GABPA: variants seen among roughly 807,000 people sequenced by gnomAD.
GABPA encodes GA-binding protein alpha chain.
A neutral mutation model predicts 59.4 loss-of-function variants in GABPA; 4 were observed. The ratio of observed to expected loss-of-function variants is 0.07; its 90% CI spans 0.03 to 0.15. The LOEUF is 0.15. Ranked by LOEUF, GABPA falls within the 10% of genes least tolerant of loss-of-function variation. The probability of loss-of-function intolerance (pLI) is 1.00; values close to 1 mark genes in which losing one functional copy is unlikely to be tolerated. For synonymous variants in GABPA, 164 were observed against 183.1 expected (o/e 0.90, Z 0.84); for missense variants, 251 against 543.8 (o/e 0.46, Z 5.36).
In GABPA at chr21:25,752,118, T is replaced by C. The variant is rs770522261; in HGVS notation, c.437T>C (p.Leu146Pro). Reference protein sequence around the residue: ...HLVEEAQVITLDGTKHITTIS... With the variant: ...HLVEEAQVITPDGTKHITTIS... ...GTTGAAGAAGCTCAAGTGATAACTC[T>C]TGATGGCACAAAACACATCACAACC... Residue 146 changes from leucine to proline, a missense_variant, in exon 5 of 10, where the codon CTT becomes CCT. By Grantham distance (98) the Leu-to-Pro change is moderately conservative (BLOSUM62 -3). Transcript: ENST00000400075. The C allele has an allele frequency of 1.9e-6, 3 of 1,611,084 alleles. No homozygotes were observed. Among genetic ancestry groups the C allele is most frequent in the African/African-American group, 1.3e-5 (1 of 74,938 alleles).
chr21:25,746,914 A>G (rs1221509966), intron 3 of GABPA, among the ~76,000 whole-genome samples: 1 of 152,230 alleles, frequency 6.6e-6, no homozygotes, highest in Non-Finnish European at 1.5e-5. Flanking sequence ...ATGAGATTTG[A>G]TAGAATAGAA....
In GABPA at chr21:25,769,609, A is replaced by G. The variant is rs2035970741; in HGVS notation, c.*377A>G. 1 of 162,738 alleles carries G rather than the reference A, an allele frequency of 6.1e-6. No homozygotes were observed. The allele number at this position is 162,738 out of a possible 1,614,324, so 10.1% of individuals were successfully genotyped here. On this transcript the variant is annotated 3_prime_UTR_variant, in exon 10 of 10. Coordinates refer to ENST00000400075, the MANE Select transcript of GABPA (RefSeq NM_002040.4). Reference sequence around the variant, plus strand: ...AAACAGTCTGGCTTAACTATTTTTGAAAATATAACTGTTTCCCCTCTCTGC... The same window carrying G: ...AAACAGTCTGGCTTAACTATTTTTGGAAATATAACTGTTTCCCCTCTCTGC...
chr21:25,749,080 T>C lies in GABPA; in HGVS notation c.267T>C (p.Asp89=). The C allele has an allele frequency of 6.2e-7, 1 of 1,608,474 alleles. No homozygotes were observed. The highest frequency in any genetic ancestry group is 8.5e-7 in the Non-Finnish European group (1 of 1,175,202). The change falls in exon 4 of 10, where the codon GAT becomes GAC. Residue 89 remains aspartate, a synonymous_variant. Transcript: ENST00000400075. ...TATTTGACCAAGGAGTAAAAACAGATGGAACTGTACAGCTTAGTGTACAGG... is the reference window on the plus strand; with the variant it reads ...TATTTGACCAAGGAGTAAAAACAGACGGAACTGTACAGCTTAGTGTACAGG... ...RSLFDQGVKT[D]GTVQLSVQVI... is the part of the protein sequence containing the mutation.
At chr21:25,754,219 T>C (rs907244155) in intron 5 of GABPA, among the ~76,000 whole-genome samples, 3 of 152,222 alleles carry the variant, frequency 2.0e-5, no homozygotes, top group African/African-American at 7.2e-5. Flanking sequence ...AAATTCATTA[T>C]TAAGATGTAT....
Position 25,735,150 on chromosome 21 carries a change from G to T in GABPA, c.-455G>T, listed in dbSNP as rs948771837. ...TTGACCCGTTCTTTTTCCCCTCCTTGAAACCTTGCTCTGTACGCATGCGCT... is the reference window on the plus strand; with the variant it reads ...TTGACCCGTTCTTTTTCCCCTCCTTTAAACCTTGCTCTGTACGCATGCGCT... On this transcript the variant is annotated 5_prime_UTR_variant, in exon 1 of 10. Coordinates refer to ENST00000400075, the MANE Select transcript of GABPA (RefSeq NM_002040.4). 1.8e-5 allele frequency: 12 copies of T among 654,840 alleles called. No individual in the cohort carries two copies. The African/African-American group carries it at 2.1e-4, about 12-fold the overall frequency. The allele number at this position is 654,840 out of a possible 1,614,324, so 40.6% of individuals were successfully genotyped here.
intron 6 of GABPA, among the ~76,000 whole-genome samples, chr21:25,760,256 A>G (rs2035732890): frequency 6.6e-6 from 1 of 152,182 alleles, no homozygotes; most frequent in Non-Finnish European, 1.5e-5. Context: ...TTTCTAACAG[A>G]CTTTCTAGAA....
chr21:25,737,806 G>A (rs2035119566), intron 1 of GABPA, among the ~76,000 whole-genome samples: 2 of 152,070 alleles, frequency 1.3e-5, no homozygotes, highest in Admixed American at 1.3e-4. Context: ...TTTTTTTTAA[G>A]TGCTATTCTG....
rs60518912 is a variant in GABPA, at chr21:25,757,849, ATT to A, written c.554-139_554-138del. On this transcript the variant is annotated intron_variant, in intron 5 of 9. Transcript: ENST00000400075. Reference sequence around the variant, plus strand: ...GAGCTGAGGAAAAAATTACAGCATAATTTTTTTTTTTTTTTTTTTTTTTGCTT... The same window carrying A: ...GAGCTGAGGAAAAAATTACAGCATAATTTTTTTTTTTTTTTTTTTTTGCTT... Among the ~76,000 whole-genome samples the A allele has an allele frequency of 5.4e-3, 584 of 108,688 alleles. 3 individuals carry two copies. The highest frequency in any genetic ancestry group is 0.051 in the East Asian group (192 of 3,756). 71.3% of individuals were successfully genotyped at this position (108,688 alleles called of 152,430 possible). A position where few individuals can be genotyped will look rare whatever the true frequency, so the allele number is the denominator to read the frequency against.
Position 25,752,312 on chromosome 21 carries a change from A to G in GABPA, c.553+78A>G. On this transcript the variant is annotated intron_variant, in intron 5 of 9. Transcript: ENST00000400075. ...CATAGAAGACACTAGGGTAAGTTAT[A>G]ATCTATTTTACATGTAGAGTTATTA... The G allele has an allele frequency of 4.4e-6, 6 of 1,373,410 alleles. No individual in the cohort carries two copies. The African/African-American group carries it at 7.3e-5, about 17-fold the overall frequency. 85.1% of individuals were successfully genotyped at this position (1,373,410 alleles called of 1,614,324 possible). A position where few individuals can be genotyped will look rare whatever the true frequency, so the allele number is the denominator to read the frequency against.
At chr21:25,762,428 G>T in intron 7 of GABPA, 63 bp downstream of exon 7, 1 of 1,175,680 alleles carries the variant, frequency 8.5e-7, no homozygotes, top group Non-Finnish European at 1.2e-6. Context: ...ATACCGCAAG[G>T]TAATAAAAAG....
chr21:25,762,074 G>C (rs985191381), intron 6 of GABPA, among the ~76,000 whole-genome samples: 1 of 152,076 alleles, frequency 6.6e-6, no homozygotes, highest in Non-Finnish European at 1.5e-5. Context: ...GAACTTTACT[G>C]AACACTAAAA....
chr21:25,739,382 T>G (rs1157624472), intron 1 of GABPA, among the ~76,000 whole-genome samples: 1 of 152,114 alleles, frequency 6.6e-6, no homozygotes, highest in Non-Finnish European at 1.5e-5. Context: ...AGTTTTGGAG[T>G]CAGAAATATG....
chr21:25,751,723 C>CT (rs1201429807), intron 4 of GABPA, among the ~76,000 whole-genome samples: 2 of 151,698 alleles, frequency 1.3e-5, no homozygotes, highest in Non-Finnish European at 2.9e-5. Flanking sequence ...ACTGGTACTT[C>CT]TTTTTTTCTA....
rs1410293586 is a variant in GABPA at position 25,770,589 on chromosome 21, C to G, written c.*1357C>G. On this transcript the variant is annotated 3_prime_UTR_variant, in exon 10 of 10. Coordinates refer to ENST00000400075, the MANE Select transcript of GABPA (RefSeq NM_002040.4). ...TCTTACAGATTTGAGAAAGTTGATT[C>G]TCAAATATTTATGCACCTTCTCCTT... The G allele has an allele frequency of 1.3e-5, 2 of 152,106 alleles. No homozygotes were observed. Among genetic ancestry groups the G allele is most frequent in the Non-Finnish European group, 2.9e-5 (2 of 67,954 alleles). The allele number at this position is 152,106 out of a possible 1,614,324, so 9.4% of individuals were successfully genotyped here. A position where few individuals can be genotyped will look rare whatever the true frequency, so the allele number is the denominator to read the frequency against.
Position 25,764,232 on chromosome 21 carries a change from A to G in GABPA, c.825A>G (p.Ser275=). Residue 275 remains serine, a synonymous_variant, in exon 8 of 10, where the codon TCA becomes TCG. Coordinates refer to ENST00000400075, the MANE Select transcript of GABPA (RefSeq NM_002040.4). ...CAGCTGTGCAAATTATTCCAGCATC[A>G]GTGCAATCTGCTACACCTACTACCA... ...IDQPVQIIPA[S]VQSATPTTIK... 6.2e-7 allele frequency: 1 copy of G among 1,602,372 alleles called. No individual in the cohort carries two copies. Among genetic ancestry groups the G allele is most frequent in the Non-Finnish European group, 8.5e-7 (1 of 1,176,186 alleles).
At chr21:25,768,112 A>G (rs138521745) in intron 9 of GABPA, among the ~76,000 whole-genome samples, 2 of 152,152 alleles carry the variant, frequency 1.3e-5, no homozygotes, top group East Asian at 1.9e-4. Context: ...TGTGTGTTTA[A>G]ATAAAGTCTG....
intron 1 of GABPA, among the ~76,000 whole-genome samples, chr21:25,738,300 T>G (rs71649658): frequency 0.016 from 2,509 of 152,326 alleles, 24 homozygotes; most frequent in South Asian, 0.027. Flanking sequence ...TGATTTGAAT[T>G]TGGGCATTTC....
chr21:25,763,038 A>T, intron 7 of GABPA: 1 of 355,560 alleles, frequency 2.8e-6, no homozygotes. Context: ...CCTTTGATTC[A>T]TCTATATTGG....
At chr21:25,748,570 T>A (rs2035427071) in intron 3 of GABPA, among the ~76,000 whole-genome samples, 1 of 152,184 alleles carries the variant, frequency 6.6e-6, no homozygotes, top group Non-Finnish European at 1.5e-5. Flanking sequence ...TTTATTAACT[T>A]TATGATGAGA....
Sources: allele counts gnomAD v4.1 joint callset (sites outside exome capture counted in the v4.1 genomes callset), GRCh38; gene constraint gnomAD v4.1.1; transcripts MANE v1.5; gene names NCBI Gene and HGNC (gene_info 2026-07-23, HGNC 2026-07-21).